TBL1X: variants seen among roughly 807,000 people sequenced by gnomAD.
The protein encoded by TBL1X is F-box-like/WD repeat-containing protein TBL1X.
In TBL1X, 10 loss-of-function variants were observed where a neutral mutation model predicts 50.7. That is an observed-to-expected ratio of 0.20 (90% CI 0.12 to 0.33). TBL1X has a LOEUF of 0.33. Among genes scored for constraint, TBL1X ranks in the 10% least tolerant of loss-of-function variants. TBL1X has a pLI of 1.00. For missense variants in TBL1X, 340 were observed against 504.4 expected, an observed-to-expected ratio of 0.67 and a Z score of 3.12; for synonymous variants, 190 against 214.7, an observed-to-expected ratio of 0.88 and a Z score of 1.01.
intron 13 of TBL1X, 88 bp from the exon 14 acceptor site, chrX:9,709,160 G>A (rs1317087376): frequency 1.9e-5 from 18 of 953,101 alleles, no homozygotes; most frequent in South Asian, 4.2e-5. Context: ...CTGCAGCGCC[G>A]GTGGCGCGCT....
intron 2 of TBL1X, chrX:9,636,462 T>G (rs1203137354): frequency 1.0e-5 from 1 of 98,219 alleles, no homozygotes; most frequent in Non-Finnish European, 2.0e-5. Flanking sequence ...GTTGTTACTT[T>G]TATTCCAACT....
At chrX:9,624,857 A>G (rs1443243928) in intron 2 of TBL1X, among the ~76,000 whole-genome samples, 1 of 112,586 alleles carries the variant, frequency 8.9e-6, no homozygotes, top group Non-Finnish European at 1.9e-5. Context: ...TTTACAAAAA[A>G]AAATTTAAGA....
intron 2 of TBL1X, among the ~76,000 whole-genome samples, chrX:9,531,362 T>G (rs1035704503): frequency 1.4e-4 from 13 of 92,055 alleles, no homozygotes; most frequent in African/African-American, 4.6e-4. Context: ...AGGGTGTGTG[T>G]GTGTGTGTGT....
chrX:9,539,500 C>T (rs182699936), intron 2 of TBL1X, among the ~76,000 whole-genome samples: 9 of 111,735 alleles, frequency 8.1e-5, no homozygotes, highest in African/African-American at 2.3e-4. Context: ...CTACTCCCCT[C>T]TTCTCCTCAT....
At chrX:9,634,736 C>G (rs1246843450) in intron 2 of TBL1X, among the ~76,000 whole-genome samples, 1 of 111,453 alleles carries the variant, frequency 9.0e-6, no homozygotes, top group African/African-American at 3.3e-5. Context: ...ACATACTAAA[C>G]ATCTACTAAA....
intron 2 of TBL1X, among the ~76,000 whole-genome samples, chrX:9,632,659 A>G (rs2082727579): frequency 8.9e-6 from 1 of 112,006 alleles, no homozygotes; most frequent in Non-Finnish European, 1.9e-5. Flanking sequence ...CAGTTAGAGA[A>G]ACACTGATGA....
At chrX:9,548,860 T>A (rs758147805) in intron 2 of TBL1X, among the ~76,000 whole-genome samples, 1 of 113,100 alleles carries the variant, frequency 8.8e-6, no homozygotes, top group African/African-American at 3.2e-5. Context: ...TTGTGTTTTC[T>A]TGATACGCAC....
intron 5 of TBL1X, among the ~76,000 whole-genome samples, chrX:9,658,402 C>T (rs1431556000): frequency 9.0e-6 from 1 of 110,638 alleles, no homozygotes; most frequent in Non-Finnish European, 1.9e-5. Context: ...AGGGAGCGAG[C>T]CCCTAGAAAT....
At chrX:9,552,711 C>G (rs2082276685) in intron 2 of TBL1X, among the ~76,000 whole-genome samples, 1 of 112,501 alleles carries the variant, frequency 8.9e-6, no homozygotes, top group African/African-American at 3.2e-5. Flanking sequence ...GGCTCCAGAT[C>G]ATTTTCACAT....
At chrX:9,701,432 G>C (rs945443972) in intron 12 of TBL1X, among the ~76,000 whole-genome samples, 1 of 109,467 alleles carries the variant, frequency 9.1e-6, no homozygotes, top group Admixed American at 9.8e-5. Context: ...TCAGAGTGGG[G>C]CTAACCACCT....
intron 3 of TBL1X, among the ~76,000 whole-genome samples, 178 bp from the exon 4 acceptor site, chrX:9,653,367 T>G (rs1161594035): frequency 8.9e-6 from 1 of 112,588 alleles, no homozygotes; most frequent in Non-Finnish European, 1.9e-5. Flanking sequence ...AAAACCAGAC[T>G]CTGTCTTGGC....
At chrX:9,589,997 C>G (rs1353008494) in intron 2 of TBL1X, among the ~76,000 whole-genome samples, 1 of 111,714 alleles carries the variant, frequency 9.0e-6, no homozygotes, top group Non-Finnish European at 1.9e-5. Flanking sequence ...GCGTAAGAGT[C>G]TAATCACGAG....
At chrX:9,715,627 T>C (rs1272259532) in intron 17 of TBL1X, among the ~76,000 whole-genome samples, 2 of 112,215 alleles carry the variant, frequency 1.8e-5, no homozygotes, top group Non-Finnish European at 3.8e-5. Flanking sequence ...GGAAACGTCA[T>C]TATGTGACGC....
intron 2 of TBL1X, among the ~76,000 whole-genome samples, chrX:9,634,182 G>A (rs761781405): frequency 9.0e-6 from 1 of 111,290 alleles, no homozygotes; most frequent in Non-Finnish European, 1.9e-5. Context: ...ATGAAAAGGC[G>A]GCAGAACCTC....
intron 2 of TBL1X, among the ~76,000 whole-genome samples, chrX:9,585,338 C>CCG: frequency 1.3e-5 from 1 of 74,465 alleles, no homozygotes; most frequent in South Asian, 1.2e-3. Flanking sequence ...ACCCCCCTCC[C>CCG]CTCCCCCCCC....
intron 2 of TBL1X, among the ~76,000 whole-genome samples, chrX:9,631,471 C>T (rs1231327001): frequency 8.9e-6 from 1 of 112,272 alleles, no homozygotes; most frequent in Non-Finnish European, 1.9e-5. Flanking sequence ...TGTGACTATA[C>T]TTCACAGTAA....
Position 9,588,704 on chromosome X carries a change from A to T in TBL1X, c.-130-51569A>T, listed in dbSNP as rs751638474. ...CTGCAACCACCGCTTTCCAGGTTCA[A>T]GCATTCTCCTGCCTCAGTCTCCTGA... On this transcript the variant is annotated intron_variant, in intron 2 of 17. Coordinates refer to ENST00000645353, the MANE Select transcript of TBL1X (RefSeq NM_005647.4). 9.4e-4 allele frequency among the ~76,000 whole-genome samples: 103 copies of T among 109,414 alleles called. 1 individual carries two copies. Among genetic ancestry groups the T allele is most frequent in the Non-Finnish European group, 6.8e-4 (36 of 52,564 alleles).
intron 2 of TBL1X, among the ~76,000 whole-genome samples, chrX:9,563,959 G>A (rs1341877632): frequency 8.9e-6 from 1 of 112,352 alleles, no homozygotes; most frequent in East Asian, 2.8e-4. Context: ...TGCACTTCCC[G>A]GATTTAAAAA....
At chrX:9,565,271 CAAAAAAAA>C (rs757679440) in intron 2 of TBL1X, among the ~76,000 whole-genome samples, 12 of 37,394 alleles carry the variant, frequency 3.2e-4, no homozygotes, top group Admixed American at 1.9e-3. Context: ...GACTCCGTCT[CAAAAAAAA>C]AAAAAAAAAA....
Sources: allele counts gnomAD v4.1 joint callset (sites outside exome capture counted in the v4.1 genomes callset), GRCh38; gene constraint gnomAD v4.1.1; transcripts MANE v1.5; gene names NCBI Gene and HGNC (gene_info 2026-07-23, HGNC 2026-07-21).